The following PPM1L variants were observed in gnomAD, a reference collection of about 807,000 sequenced individuals.
The protein encoded by PPM1L is protein phosphatase, Mg2+/Mn2+ dependent 1L.
Under a neutral mutation model 31.4 loss-of-function variants are expected in PPM1L, and 13 were observed. The observed-to-expected ratio is 0.41, with a 90% CI of 0.27 to 0.66. The LOEUF is 0.66. PPM1L is among the 30% of genes least tolerant of loss of function. PPM1L has a pLI of 0.29. For missense variants in PPM1L, 326 were observed against 453.7 expected (o/e 0.72, Z 2.56); for synonymous variants, 184 against 175.4 (o/e 1.05, Z -0.39).
chr3:160,974,357 C>T (rs1164858519), intron 2 of PPM1L, among the ~76,000 whole-genome samples: 1 of 152,038 alleles, frequency 6.6e-6, no homozygotes, highest in Non-Finnish European at 1.5e-5. Context: ...TTTATAGCAG[C>T]ATGATTTATA....
intron 2 of PPM1L, among the ~76,000 whole-genome samples, chr3:161,038,602 A>C (rs1175748178): frequency 6.6e-6 from 1 of 151,164 alleles, no homozygotes; most frequent in Admixed American, 6.6e-5. Flanking sequence ...AAAAAAAAAA[A>C]AAAAAAAAAA....
intron 2 of PPM1L, among the ~76,000 whole-genome samples, chr3:160,988,880 A>G (rs998337683): frequency 4.6e-5 from 7 of 152,120 alleles, no homozygotes; most frequent in Non-Finnish European, 1.0e-4. Context: ...TGATTTCATA[A>G]ACTAGTTCTG....
chr3:160,868,632 G>A (rs1347751826), intron 1 of PPM1L, among the ~76,000 whole-genome samples: 1 of 151,860 alleles, frequency 6.6e-6, no homozygotes, highest in African/African-American at 2.4e-5. Flanking sequence ...CTGAGGAATA[G>A]GGATCTACTT....
chr3:160,965,228 G>A (rs538895814), intron 2 of PPM1L, among the ~76,000 whole-genome samples: 1 of 151,748 alleles, frequency 6.6e-6, no homozygotes, highest in Admixed American at 6.6e-5. Flanking sequence ...TCAAGCCTGG[G>A]CGACAGAGCC....
chr3:160,847,651 C>G (rs993011852), intron 1 of PPM1L, among the ~76,000 whole-genome samples: 1 of 152,098 alleles, frequency 6.6e-6, no homozygotes, highest in Non-Finnish European at 1.5e-5. Context: ...AACACACACA[C>G]CCAGGGACAT....
intron 2 of PPM1L, among the ~76,000 whole-genome samples, chr3:161,057,621 C>G (rs1018288363): frequency 6.6e-6 from 1 of 152,148 alleles, no homozygotes; most frequent in South Asian, 2.1e-4. Flanking sequence ...AAGTTGCTAA[C>G]GTTTAAAAAT....
intron 1 of PPM1L, among the ~76,000 whole-genome samples, chr3:160,808,326 C>T (rs1482759221): frequency 5.7e-5 from 7 of 123,044 alleles, no homozygotes; most frequent in African/African-American, 2.4e-4. Flanking sequence ...TGTGTGCGTG[C>T]ATGTGTGGTG....
chr3:160,777,983 A>C (rs191924923), intron 1 of PPM1L, among the ~76,000 whole-genome samples: 1 of 152,308 alleles, frequency 6.6e-6, no homozygotes, highest in Admixed American at 6.5e-5. Context: ...CACTCCTGCC[A>C]ACAGTGCACA....
In PPM1L at chr3:161,040,694, A is replaced by AT. The variant is rs541789620; in HGVS notation, c.575-24699dup. 2.9e-3 allele frequency among the ~76,000 whole-genome samples: 431 copies of AT among 149,736 alleles called. 1 individual carries two copies. Among genetic ancestry groups the AT allele is most frequent in the African/African-American group, 5.5e-3 (226 of 40,898 alleles). ...TTTTCTATGTGAGGACTAATCTCTG[A>AT]TTTTTTTTTTATCTTGCCCAAATTC... On this transcript the variant is annotated intron_variant, in intron 2 of 3. Coordinates refer to ENST00000498165, the MANE Select transcript of PPM1L (RefSeq NM_139245.4).
At chr3:160,959,303 G>C (rs1715878951) in intron 1 of PPM1L, among the ~76,000 whole-genome samples, 2 of 151,592 alleles carry the variant, frequency 1.3e-5, no homozygotes, top group African/African-American at 4.8e-5. Context: ...AAGGGGGAGG[G>C]TGGGAAGGGG....
At chr3:160,770,670 C>CT (rs1443650849) in intron 1 of PPM1L, among the ~76,000 whole-genome samples, 1 of 152,174 alleles carries the variant, frequency 6.6e-6, no homozygotes, top group Non-Finnish European at 1.5e-5. Context: ...GGCAGAATAT[C>CT]TGACTGCACA....
At chr3:161,066,251 A>G (rs1196478147) in intron 3 of PPM1L, among the ~76,000 whole-genome samples, 1 of 152,220 alleles carries the variant, frequency 6.6e-6, no homozygotes, top group East Asian at 1.9e-4. Flanking sequence ...GGGGTCCCTT[A>G]TTCATTCATT....
chr3:160,786,050 A>G (rs948869260), intron 1 of PPM1L, among the ~76,000 whole-genome samples: 3 of 149,368 alleles, frequency 2.0e-5, no homozygotes, highest in Non-Finnish European at 3.0e-5. Context: ...GAGTTCCTAA[A>G]TCCCACTTTC....
At chr3:161,036,809 T>C (rs754330129) in intron 2 of PPM1L, among the ~76,000 whole-genome samples, 77 of 152,224 alleles carry the variant, frequency 5.1e-4, no homozygotes, top group Non-Finnish European at 8.1e-4. Context: ...AGATCCTTGA[T>C]TTTAAGGGAC....
chr3:160,778,839 G>A (rs918024170), intron 1 of PPM1L, among the ~76,000 whole-genome samples: 4 of 152,142 alleles, frequency 2.6e-5, no homozygotes, highest in Admixed American at 2.6e-4. Context: ...CCTGTCTTGA[G>A]AACTTTAAAG....
chr3:160,858,421 A>G (rs1411762703), intron 1 of PPM1L, among the ~76,000 whole-genome samples: 2 of 151,948 alleles, frequency 1.3e-5, no homozygotes, highest in South Asian at 2.1e-4. Context: ...TAATTTTTGT[A>G]TTTTTAGTAG....
At chr3:161,059,271 A>C (rs1719506456) in intron 2 of PPM1L, among the ~76,000 whole-genome samples, 1 of 152,136 alleles carries the variant, frequency 6.6e-6, no homozygotes, top group Non-Finnish European at 1.5e-5. Context: ...ACTGGACCAG[A>C]ATCTTGGATG....
At chr3:160,825,326 ATGAT>A (rs1304425585) in intron 1 of PPM1L, among the ~76,000 whole-genome samples, 1 of 152,188 alleles carries the variant, frequency 6.6e-6, no homozygotes, top group East Asian at 1.9e-4. Flanking sequence ...ATTGATCATG[ATGAT>A]TGATAAAAAT....
At chr3:160,975,089 A>G (rs111476698) in intron 2 of PPM1L, among the ~76,000 whole-genome samples, 1 of 151,976 alleles carries the variant, frequency 6.6e-6, no homozygotes, top group African/African-American at 2.4e-5. Context: ...CTTTCTACGT[A>G]TGGCTAGCCA....
Sources: gnomAD v4.1 joint callset for allele counts (sites outside exome capture counted in the v4.1 genomes callset) on GRCh38, gnomAD v4.1.1 for gene constraint, MANE v1.5 for transcripts, NCBI Gene and HGNC (gene_info 2026-07-23, HGNC 2026-07-21) for gene names.